GRM8: variants seen among roughly 807,000 people sequenced by gnomAD.
GRM8 encodes the protein glutamate metabotropic receptor 8.
A neutral mutation model predicts 87.2 loss-of-function variants in GRM8; 47 were observed. That is an observed-to-expected ratio of 0.54 (90% CI 0.43 to 0.69). The LOEUF (loss-of-function observed/expected upper bound fraction) is 0.69. Among genes scored for constraint, GRM8 ranks in the 30% least tolerant of loss-of-function variants. GRM8 has a pLI of 0.00. For synonymous variants in GRM8, 396 were observed against 404.5 expected (o/e 0.98, Z 0.25); for missense variants, 1,019 against 1,139.2 (o/e 0.89, Z 1.52).
chr7:126,733,153 TC>T (rs1312050846), intron 7 of GRM8, among the ~76,000 whole-genome samples: 2 of 152,056 alleles, frequency 1.3e-5, no homozygotes, highest in Admixed American at 6.6e-5. Flanking sequence ...CACTTTTTTT[TC>T]TTCTTCACTA....
Position 126,890,864 on chromosome 7 carries a change from AG to A in GRM8, c.1156+11677del, listed in dbSNP as rs562302978. The stretch of plus-strand genomic sequence containing the variant: ...TTCTGAGTCCTCAAGGCTCTATCTC[AG>A]GCCCTCTGCAATTTCCACTCCACAT... On this transcript the variant is annotated intron_variant, in intron 6 of 10. Coordinates refer to ENST00000339582, the MANE Select transcript of GRM8 (RefSeq NM_000845.3). Among the ~76,000 whole-genome samples, 12 of 152,044 alleles carry A rather than the reference AG, an allele frequency of 7.9e-5. No individual in the cohort carries two copies. In the South Asian group the frequency reaches 2.5e-3, roughly 32 times the overall value.
chr7:126,704,760 A>G (rs991630073), intron 7 of GRM8, among the ~76,000 whole-genome samples: 7 of 152,120 alleles, frequency 4.6e-5, no homozygotes, highest in Admixed American at 1.3e-4. Flanking sequence ...TTCCCGCCCA[A>G]TAAATTTTTA....
intron 2 of GRM8, among the ~76,000 whole-genome samples, chr7:127,197,355 T>C (rs1188727284): frequency 1.3e-5 from 2 of 152,190 alleles, no homozygotes; most frequent in African/African-American, 4.8e-5. Context: ...TCAAAGAAGT[T>C]GGAAGGGGCC....
chr7:127,204,538 T>A (rs1405586529), intron 2 of GRM8, among the ~76,000 whole-genome samples: 1 of 152,252 alleles, frequency 6.6e-6, no homozygotes, highest in Non-Finnish European at 1.5e-5. Context: ...AAGGCACTTT[T>A]CTGTCTTTAT....
In GRM8 at chr7:126,976,551, G is replaced by A. The variant is rs141528047; in HGVS notation, c.728-71868C>T. Among the ~76,000 whole-genome samples the A allele has an allele frequency of 6.2e-3, 941 of 152,098 alleles. 10 individuals are homozygous for A. The highest frequency in any genetic ancestry group is 0.021 in the African/African-American group (884 of 41,466). On this transcript the variant is annotated intron_variant, in intron 3 of 10. Coordinates refer to ENST00000339582, the MANE Select transcript of GRM8 (RefSeq NM_000845.3). ...GGAGCTTGCAGTGAACCGAGATGGC[G>A]CCACTGCACTCCAGCCTGGGCAACA...
chr7:126,788,500 T>TA (rs1238657104), intron 6 of GRM8, among the ~76,000 whole-genome samples: 1 of 151,796 alleles, frequency 6.6e-6, no homozygotes, highest in Non-Finnish European at 1.5e-5. Flanking sequence ...CCATCCTACT[T>TA]ATACTACATC....
intron 6 of GRM8, among the ~76,000 whole-genome samples, chr7:126,825,908 C>T (rs937951803): frequency 1.6e-4 from 19 of 118,958 alleles, no homozygotes; most frequent in Non-Finnish European, 2.7e-4. Flanking sequence ...GTGTGATGTT[C>T]CCCTTCCTGT....
intron 8 of GRM8, among the ~76,000 whole-genome samples, chr7:126,606,728 A>G (rs564774145): frequency 3.9e-5 from 6 of 152,348 alleles, no homozygotes; most frequent in Admixed American, 1.3e-4. Context: ...GTTATAAATG[A>G]TCATAATCAT....
At chr7:126,985,909 A>T (rs1032344535) in intron 3 of GRM8, among the ~76,000 whole-genome samples, 1 of 152,238 alleles carries the variant, frequency 6.6e-6, no homozygotes, top group Admixed American at 6.5e-5. Context: ...CATAGCAGTA[A>T]CTGAAGCAGA....
chr7:126,692,258 C>G (rs1398422045), intron 7 of GRM8, among the ~76,000 whole-genome samples: 1 of 152,096 alleles, frequency 6.6e-6, no homozygotes, highest in East Asian at 1.9e-4. Flanking sequence ...TCTTGAGTAC[C>G]AGAATTTTAA....
intron 3 of GRM8, among the ~76,000 whole-genome samples, chr7:126,980,569 G>T (rs1013015713): frequency 6.6e-6 from 1 of 152,096 alleles, no homozygotes; most frequent in East Asian, 1.9e-4. Context: ...TGTCTTGAAA[G>T]GTTCTCCAAA....
chr7:126,450,496 T>C (rs1802498440), intron 9 of GRM8, among the ~76,000 whole-genome samples: 1 of 151,898 alleles, frequency 6.6e-6, no homozygotes, highest in Non-Finnish European at 1.5e-5. Flanking sequence ...TGACAGCCTG[T>C]ATTTCTCTGC....
intron 6 of GRM8, among the ~76,000 whole-genome samples, chr7:126,871,704 A>G (rs775584286): frequency 1.3e-5 from 2 of 152,282 alleles, no homozygotes; most frequent in South Asian, 4.1e-4. Flanking sequence ...TCTAGTTGTT[A>G]AAGAGCCTGC....
intron 7 of GRM8, among the ~76,000 whole-genome samples, chr7:126,722,927 T>TATAATATATATGTTATAG (rs1212537424): frequency 7.2e-6 from 1 of 138,736 alleles, no homozygotes; most frequent in African/African-American, 2.9e-5. Context: ...ATATGTTATA[T>TATAATATATATGTTATAG]ATAATATATA....
intron 3 of GRM8, among the ~76,000 whole-genome samples, chr7:127,008,120 CCAGTTG>C (rs1414005010): frequency 2.0e-5 from 3 of 151,930 alleles, no homozygotes; most frequent in African/African-American, 2.4e-5. Flanking sequence ...ACAGTCTCTA[CCAGTTG>C]CTCCATTTTT....
chr7:127,142,007 G>A (rs1015935055), intron 2 of GRM8, among the ~76,000 whole-genome samples: 23 of 152,038 alleles, frequency 1.5e-4, no homozygotes, highest in African/African-American at 4.8e-4. Context: ...TTAAGAGACC[G>A]GGTCTTGGTC....
At chr7:126,836,062 A>G (rs1429542798) in intron 6 of GRM8, among the ~76,000 whole-genome samples, 2 of 152,212 alleles carry the variant, frequency 1.3e-5, no homozygotes, top group Non-Finnish European at 2.9e-5. Flanking sequence ...CAAAAGCATC[A>G]TGCAACCACT....
chr7:126,935,268 AG>A (rs939211970), intron 3 of GRM8, among the ~76,000 whole-genome samples: 1 of 152,086 alleles, frequency 6.6e-6, no homozygotes, highest in African/African-American at 2.4e-5. Flanking sequence ...TAGGTTGAAG[AG>A]GGAAACTTCC....
At chr7:126,837,036 T>C (rs916025837) in intron 6 of GRM8, among the ~76,000 whole-genome samples, 1 of 149,442 alleles carries the variant, frequency 6.7e-6, no homozygotes, top group Non-Finnish European at 1.5e-5. Context: ...CTTTTGCAAA[T>C]TGGAAAGCAC....
Sources: allele counts gnomAD v4.1 joint callset (sites outside exome capture counted in the v4.1 genomes callset), GRCh38; gene constraint gnomAD v4.1.1; transcripts MANE v1.5; gene names NCBI Gene and HGNC (gene_info 2026-07-23, HGNC 2026-07-21).